The following SLCO1A2 variants were observed in gnomAD, a reference collection of about 807,000 sequenced individuals.
SLCO1A2 encodes the protein solute carrier organic anion transporter family member 1A2.
A neutral mutation model predicts 69.0 loss-of-function variants in SLCO1A2; 67 were observed. The observed-to-expected ratio is 0.97, with a 90% confidence interval of 0.80 to 1.19. The LOEUF (loss-of-function observed/expected upper bound fraction) is 1.19. SLCO1A2 is among the 50% of genes most tolerant of loss of function. The pLI, the probability that SLCO1A2 is intolerant of heterozygous loss-of-function variation, is 0.00. For missense variants in SLCO1A2, 787 were observed against 793.7 expected (o/e 0.99, Z 0.10); for synonymous variants, 260 against 265.9 (o/e 0.98, Z 0.22).
At chr12:21,403,057 G>A (rs896456534) in intron 1 of SLCO1A2, among the ~76,000 whole-genome samples, 1 of 152,080 alleles carries the variant, frequency 6.6e-6, no homozygotes, top group African/African-American at 2.4e-5. Context: ...GATGGTTGTG[G>A]AAGAACTGGA....
intron 2 of SLCO1A2, among the ~76,000 whole-genome samples, chr12:21,345,436 T>C (rs1321432493): frequency 6.6e-6 from 1 of 152,030 alleles, no homozygotes; most frequent in Admixed American, 6.6e-5. Context: ...GCATGCAGGG[T>C]TACATCTTTT....
At chr12:21,290,031 G>A (rs956140822) in intron 12 of SLCO1A2, among the ~76,000 whole-genome samples, 32 of 151,826 alleles carry the variant, frequency 2.1e-4, no homozygotes, top group African/African-American at 6.3e-4. Context: ...GTATGTATGC[G>A]TGTGTGTATG....
intron 1 of SLCO1A2, among the ~76,000 whole-genome samples, chr12:21,390,356 A>G (rs1369422130): frequency 1.3e-5 from 2 of 152,120 alleles, no homozygotes; most frequent in Admixed American, 1.3e-4. Context: ...ACAGTGTCTA[A>G]TGTCCACAAA....
Position 21,377,225 on chromosome 12 carries a change from C to G in SLCO1A2, c.-189-2700G>C, listed in dbSNP as rs1591899169. 2.0e-5 allele frequency among the ~76,000 whole-genome samples: 3 copies of G among 152,166 alleles called. No individual in the cohort carries two copies. The East Asian group carries it at 5.8e-4, about 29-fold the overall frequency. On this transcript the variant is annotated intron_variant, in intron 1 of 15. Coordinates refer to the SLCO1A2 transcript ENST00000307378. ...TTAACCTAGTCTTATCATTAAAATTCTTGAAAGCATAAGATCCAAGCAGGA... is the reference window on the plus strand; with the variant it reads ...TTAACCTAGTCTTATCATTAAAATTGTTGAAAGCATAAGATCCAAGCAGGA...
At chr12:21,359,302 G>C (rs922984482) in intron 2 of SLCO1A2, among the ~76,000 whole-genome samples, 9 of 151,876 alleles carry the variant, frequency 5.9e-5, no homozygotes, top group African/African-American at 2.2e-4. Context: ...TCACCATAAA[G>C]GGAAGAAGAA....
intron 12 of SLCO1A2, among the ~76,000 whole-genome samples, chr12:21,288,406 A>T (rs1946304180): frequency 6.6e-6 from 1 of 152,100 alleles, no homozygotes; most frequent in African/African-American, 2.4e-5. Context: ...GTGCCACTGC[A>T]CTCCAGCCTG....
Position 21,274,572 on chromosome 12 carries a change from G to A in SLCO1A2, c.1690C>T (p.Pro564Ser). ...CTRVFAGIPA[P>S]IYFGALMDST... ...TCCATTAAAGCGCCAAAATATATAG[G>A]TGCAGGAATGCCAGCTACAATTGAC... Residue 564 changes from proline to serine, a missense_variant, in exon 14 of 15, where the codon CCT becomes TCT. Pro to Ser is a moderately conservative substitution (Grantham distance 74). Coordinates refer to ENST00000683939, the MANE Select transcript of SLCO1A2 (RefSeq NM_001386879.1). 6.2e-7 allele frequency: 1 copy of A among 1,605,824 alleles called. No individual in the cohort carries two copies. Among genetic ancestry groups the A allele is most frequent in the Non-Finnish European group, 8.5e-7 (1 of 1,173,186 alleles).
intron 1 of SLCO1A2, among the ~76,000 whole-genome samples, chr12:21,381,156 T>C (rs1333399442): frequency 2.6e-5 from 4 of 151,358 alleles, no homozygotes; most frequent in Non-Finnish European, 5.9e-5. Flanking sequence ...AAAACAAAAA[T>C]AAATAAATGG....
chr12:21,280,699 A>ACC (rs1565466852), intron 12 of SLCO1A2, among the ~76,000 whole-genome samples: 1 of 146,134 alleles, frequency 6.8e-6, no homozygotes, highest in African/African-American at 2.5e-5. Context: ...ATAAATAAAT[A>ACC]AACAAAGAAA....
At chr12:21,319,894 T>A (rs1951387195) in intron 2 of SLCO1A2, among the ~76,000 whole-genome samples, 1 of 152,126 alleles carries the variant, frequency 6.6e-6, no homozygotes, top group Non-Finnish European at 1.5e-5. Flanking sequence ...ATTTTAAAAT[T>A]AAATTTAAAA....
intron 2 of SLCO1A2, among the ~76,000 whole-genome samples, chr12:21,367,537 T>C (rs939864132): frequency 2.0e-5 from 3 of 152,226 alleles, no homozygotes; most frequent in East Asian, 3.9e-4. Context: ...AGTGGTCATA[T>C]CATATTTTAT....
chr12:21,397,570 A>AT (rs1009768705), upstream of SLCO1A2, among the ~76,000 whole-genome samples: 1 of 151,960 alleles, frequency 6.6e-6, no homozygotes, highest in African/African-American at 2.4e-5. Flanking sequence ...CAGAATATAC[A>AT]TTTTTTTCAG....
rs1197019243 is a variant in SLCO1A2, at chr12:21,264,616, A to T, written c.*4932T>A. 1 of 152,180 alleles carries T rather than the reference A, an allele frequency of 6.6e-6. No individual in the cohort carries two copies. The highest frequency in any genetic ancestry group is 1.5e-5 in the Non-Finnish European group (1 of 68,020). 9.4% of individuals were successfully genotyped at this position (152,180 alleles called of 1,614,324 possible). ...AAGCCAATGTAAACATTGTTAAAAA[A>T]TTTATTTGCAATTTTTTTTGTTCAT... is the stretch of plus-strand genomic sequence containing the variant. On this transcript the variant is annotated 3_prime_UTR_variant, in exon 15 of 15. Coordinates refer to ENST00000683939, the MANE Select transcript of SLCO1A2 (RefSeq NM_001386879.1).
chr12:21,275,517 T>C (rs1943661432), intron 12 of SLCO1A2, 93 bp from the exon 13 acceptor site: 1 of 1,218,970 alleles, frequency 8.2e-7, no homozygotes, highest in Admixed American at 3.8e-5. Flanking sequence ...TAGTCACACA[T>C]AATGAACATT....
At chr12:21,370,256 G>A (rs905265116) in intron 2 of SLCO1A2, among the ~76,000 whole-genome samples, 3 of 151,976 alleles carry the variant, frequency 2.0e-5, no homozygotes, top group African/African-American at 7.2e-5. Context: ...CAAAGATGAA[G>A]TGGGATATCG....
chr12:21,377,598 C>T (rs1008734404), intron 1 of SLCO1A2, among the ~76,000 whole-genome samples: 2 of 152,120 alleles, frequency 1.3e-5, no homozygotes, highest in Middle Eastern at 3.2e-3. Context: ...ACCACCATTC[C>T]ACTCTTTAAC....
chr12:21,402,737 G>A (rs1354151008), intron 1 of SLCO1A2, among the ~76,000 whole-genome samples: 1 of 152,066 alleles, frequency 6.6e-6, no homozygotes, highest in Non-Finnish European at 1.5e-5. Context: ...AGGTAATGAT[G>A]ATCCTGTATT....
intron 2 of SLCO1A2, among the ~76,000 whole-genome samples, chr12:21,362,978 C>T (rs901222877): frequency 1.3e-5 from 2 of 152,126 alleles, no homozygotes; most frequent in African/African-American, 4.8e-5. Context: ...GAACATTAGA[C>T]AGATCAACAA....
At chr12:21,300,863 C>A (rs935485556) in intron 7 of SLCO1A2, among the ~76,000 whole-genome samples, 12 of 152,122 alleles carry the variant, frequency 7.9e-5, no homozygotes, top group Admixed American at 2.0e-4. Context: ...TCATCATCAA[C>A]AAATGATTGC....
Sources: allele counts gnomAD v4.1 joint callset (sites outside exome capture counted in the v4.1 genomes callset), GRCh38; gene constraint gnomAD v4.1.1; transcripts MANE v1.5; gene names NCBI Gene and HGNC (gene_info 2026-07-23, HGNC 2026-07-21).